Variants in INVS observed in about 807,000 individuals in gnomAD.
INVS encodes the protein inversin.
In INVS, 86 loss-of-function variants were observed where a neutral mutation model predicts 108.8. The ratio of observed to expected loss-of-function variants is 0.79; its 90% CI spans 0.66 to 0.95. The LOEUF (loss-of-function observed/expected upper bound fraction) is 0.95, where lower values mean the gene tolerates loss of function less well. Ranked by LOEUF, INVS falls within the 40% of genes least tolerant of loss-of-function variation. The pLI is 0.00. For synonymous variants in INVS, 455 were observed against 473.5 expected (o/e 0.96, Z 0.51); for missense variants, 1,169 against 1,297.4 (o/e 0.90, Z 1.52).
At chr9:100,145,839 A>G (rs1049463748) in intron 3 of INVS, among the ~76,000 whole-genome samples, 25 of 152,258 alleles carry the variant, frequency 1.6e-4, no homozygotes, top group African/African-American at 5.1e-4. Flanking sequence ...TCCTGTCTCT[A>G]CCAGAAAAGG....
At position 100,252,281 on chromosome 9, in the gene INVS, A is replaced by G. The variant is rs1832260565; in HGVS notation, c.1079-2A>G. The G allele has an allele frequency of 6.2e-7, 1 of 1,613,878 alleles. No homozygotes were observed. Among genetic ancestry groups the G allele is most frequent in the Non-Finnish European group, 8.5e-7 (1 of 1,179,880 alleles). On this transcript the variant is annotated splice_acceptor_variant, in intron 8 of 16. Transcript: ENST00000262457. LOFTEE classifies it high-confidence loss of function. The stretch of plus-strand genomic sequence containing the variant: ...CATCACTTTCTGTTGGTTCCCTTTT[A>G]GCTTTGCATGCTGCTGCTCTTTCTG...
At chr9:100,188,041 T>A (rs1477417255) in intron 3 of INVS, among the ~76,000 whole-genome samples, 3 of 152,230 alleles carry the variant, frequency 2.0e-5, no homozygotes, top group East Asian at 3.8e-4. Context: ...ACCTGAGATA[T>A]AATTGGATTC....
At chr9:100,191,916 T>G (rs1830234245) in intron 3 of INVS, among the ~76,000 whole-genome samples, 1 of 152,196 alleles carries the variant, frequency 6.6e-6, no homozygotes, top group African/African-American at 2.4e-5. Context: ...TATAGCCCAA[T>G]TTGGCTCTTG....
At position 100,126,507 on chromosome 9, in the gene INVS, T is replaced by C; in HGVS notation, c.231T>C (p.Thr77=). The C allele has an allele frequency of 6.2e-7, 1 of 1,614,186 alleles. No homozygotes were observed. The change falls in exon 3 of 17, where the codon ACT becomes ACC. Residue 77 remains threonine, a synonymous_variant. Coordinates refer to ENST00000262457, the MANE Select transcript of INVS (RefSeq NM_014425.5). ...AGGCAGGAGCAGATGTGAATAAAAC[T>C]GACCATAGCCAGAGAACAGCCCTCC... ...LLKAGADVNK[T]DHSQRTALHL...
intron 3 of INVS, among the ~76,000 whole-genome samples, chr9:100,160,189 T>C (rs1829124368): frequency 6.6e-6 from 1 of 152,212 alleles, no homozygotes; most frequent in Admixed American, 6.5e-5. Flanking sequence ...TCTCTACGCA[T>C]GGAGGATTCT....
In INVS at chr9:100,229,802, C is replaced by G. The variant is rs774469922; in HGVS notation, c.590C>G (p.Ala197Gly). 11 of 1,614,014 alleles carry G rather than the reference C, an allele frequency of 6.8e-6. No homozygotes were observed. Among genetic ancestry groups the G allele is most frequent in the Admixed American group, 6.7e-5 (4 of 60,000 alleles). ...HWAANHKDPS[A>G]VHTVRCILDA... ...GCAGCCAACCATAAAGATCCAAGTG[C>G]TGTTCACACAGTGAGATGCATTCTG... The change falls in exon 5 of 17, where the codon GCT (alanine) becomes GGT (glycine). Residue 197 changes from alanine to glycine, a missense_variant. By Grantham distance (60) the Ala-to-Gly change is moderately conservative. Transcript: ENST00000262457.
chr9:100,273,204 A>AC, intron 12 of INVS, 128 bp downstream of exon 12: 1 of 749,286 alleles, frequency 1.3e-6, no homozygotes, highest in Non-Finnish European at 2.4e-6. Context: ...GGTCCCTGCA[A>AC]CCGGTCATCT....
rs368966858 is a variant in INVS at position 100,105,369 on chromosome 9, A to T, written c.106+742A>T. Among the ~76,000 whole-genome samples, 109 of 152,254 alleles carry T rather than the reference A, an allele frequency of 7.2e-4. 1 individual carries two copies. The highest frequency in any genetic ancestry group is 2.0e-3 in the Admixed American group (30 of 15,300). On this transcript the variant is annotated intron_variant, in intron 2 of 16. Transcript: ENST00000262457. ...ATTTGCAGTTTCTCCAGGAACTTCT[A>T]CTGGTGTACCGTAACCTCTGGCTAA... is the stretch of plus-strand genomic sequence containing the variant.
intron 5 of INVS, among the ~76,000 whole-genome samples, chr9:100,232,173 C>T (rs748557017): frequency 4.6e-5 from 7 of 150,946 alleles, no homozygotes; most frequent in South Asian, 2.1e-4. Flanking sequence ...AGTGTCTGTT[C>T]GTATCCTTTG....
At chr9:100,129,592 G>T in intron 3 of INVS, 1 of 545,064 alleles carries the variant, frequency 1.8e-6, no homozygotes, top group South Asian at 2.8e-5. Flanking sequence ...CATCAATTCT[G>T]GCCATAATGG....
At chr9:100,270,933 GA>G (rs939991518) in intron 11 of INVS, among the ~76,000 whole-genome samples, 104 of 123,144 alleles carry the variant, frequency 8.4e-4, no homozygotes, top group Middle Eastern at 4.1e-3. Flanking sequence ...CAAAAAAAAA[GA>G]AAAAAAAAAA....
chr9:100,246,390 G>C (rs1257555753), intron 7 of INVS, among the ~76,000 whole-genome samples: 1 of 152,170 alleles, frequency 6.6e-6, no homozygotes, highest in Admixed American at 6.5e-5. Flanking sequence ...GTTAGGTTAT[G>C]TTTATGAAGT....
intron 3 of INVS, among the ~76,000 whole-genome samples, chr9:100,135,165 A>G (rs151201865): frequency 2.0e-4 from 31 of 152,328 alleles, no homozygotes; most frequent in African/African-American, 7.2e-4. Flanking sequence ...TTTTTAAAGT[A>G]TTATTTAAAA....
At chr9:100,153,253 C>G (rs1176234461) in intron 3 of INVS, among the ~76,000 whole-genome samples, 3 of 118,632 alleles carry the variant, frequency 2.5e-5, no homozygotes, top group Non-Finnish European at 3.5e-5. Flanking sequence ...GAAAATGTGG[C>G]AAGCAAAGTT....
In INVS at chr9:100,229,710, G is replaced by A. The variant is rs1162343735; in HGVS notation, c.498G>A (p.Lys166=). 1 of 1,613,754 alleles carries A rather than the reference G, an allele frequency of 6.2e-7. No individual in the cohort carries two copies. The highest frequency in any genetic ancestry group is 1.3e-5 in the African/African-American group (1 of 74,900). The change falls in exon 5 of 17, where the codon AAG becomes AAA. Residue 166 remains lysine (K), a synonymous_variant. Transcript: ENST00000262457. ...SAYYNNPEHV[K]LLIKHDSNIG... ...ACTACAATAACCCTGAGCATGTGAA[G>A]CTGCTCATCAAGCATGATTCTAACA...
At chr9:100,149,285 G>T (rs890277910) in intron 3 of INVS, among the ~76,000 whole-genome samples, 1 of 152,056 alleles carries the variant, frequency 6.6e-6, no homozygotes, top group Non-Finnish European at 1.5e-5. Context: ...CCAAAAGAAG[G>T]CACCAAAAGA....
intron 3 of INVS, among the ~76,000 whole-genome samples, chr9:100,163,292 A>C (rs1161457075): frequency 1.3e-5 from 2 of 150,630 alleles, no homozygotes; most frequent in African/African-American, 4.9e-5. Flanking sequence ...CGCGGGCACC[A>C]CCTCACATGT....
chr9:100,142,568 G>T (rs1828467493), intron 3 of INVS, among the ~76,000 whole-genome samples: 1 of 152,146 alleles, frequency 6.6e-6, no homozygotes, highest in Admixed American at 6.5e-5. Flanking sequence ...AATGTGGGAG[G>T]CCGGGTTGAA....
chr9:100,294,082 C>T (rs376540123), intron 14 of INVS, among the ~76,000 whole-genome samples: 3 of 152,158 alleles, frequency 2.0e-5, no homozygotes, highest in South Asian at 2.1e-4. Context: ...GCAGGAGGAT[C>T]GCTTGAGCCC....
Sources: allele counts gnomAD v4.1 joint callset (sites outside exome capture counted in the v4.1 genomes callset), GRCh38; gene constraint gnomAD v4.1.1; transcripts MANE v1.5; gene names NCBI Gene and HGNC (gene_info 2026-07-23, HGNC 2026-07-21).